The following SH3BGRL2 variants were observed in gnomAD, a reference collection of about 807,000 sequenced individuals.
The protein encoded by SH3BGRL2 is SH3 domain-binding glutamic acid-rich-like protein 2.
A neutral mutation model predicts 14.8 loss-of-function variants in SH3BGRL2; 21 were observed. The observed-to-expected ratio is 1.42, with a 90% CI of 1.01 to 2.05. The LOEUF is 2.05. Among genes scored for constraint, SH3BGRL2 ranks in the 30% most tolerant of loss-of-function variants. The pLI is 0.00. For missense variants in SH3BGRL2, 147 were observed against 130.8 expected (o/e 1.12, Z -0.61); for synonymous variants, 50 against 47.8 (o/e 1.05, Z -0.19).
At chr6:79,571,673 C>A in the SH3BGRL2 span, among the ~76,000 whole-genome samples, 3 of 152,154 alleles carry the variant, frequency 2.0e-5, no homozygotes, top group Non-Finnish European at 4.4e-5. Context: ...CCTTTGATCA[C>A]AGCCAAGTCC....
chr6:79,700,913 G>A lies in SH3BGRL2; in HGVS notation c.*1404G>A, dbSNP rs1247875925. ...TTTTATTTCTAGCATCCTGATTCTGGACTTTTCATTATAATTCTGAGCAGG... is the reference window on the plus strand; with the variant it reads ...TTTTATTTCTAGCATCCTGATTCTGAACTTTTCATTATAATTCTGAGCAGG... On this transcript the variant is annotated 3_prime_UTR_variant, in exon 4 of 4. Coordinates refer to ENST00000369838, the MANE Select transcript of SH3BGRL2 (RefSeq NM_031469.4). The A allele has an allele frequency of 6.6e-6, 1 of 152,076 alleles. No individual in the cohort carries two copies. The highest frequency in any genetic ancestry group is 1.5e-5 in the Non-Finnish European group (1 of 68,020). 9.4% of individuals were successfully genotyped at this position (152,076 alleles called of 1,614,324 possible). A position where few individuals can be genotyped will look rare whatever the true frequency, so the allele number is the denominator to read the frequency against.
At chr6:79,680,865 T>C (rs900875021) in intron 2 of SH3BGRL2, among the ~76,000 whole-genome samples, 4 of 152,206 alleles carry the variant, frequency 2.6e-5, no homozygotes, top group African/African-American at 9.6e-5. Flanking sequence ...GTTTCAATTA[T>C]TTATTATTAG....
chr6:79,551,028 A>T, the SH3BGRL2 span, among the ~76,000 whole-genome samples: 1 of 152,238 alleles, frequency 6.6e-6, no homozygotes, highest in African/African-American at 2.4e-5. Context: ...GCAGTGTGCC[A>T]GTCTACTATG....
intron 1 of SH3BGRL2, among the ~76,000 whole-genome samples, chr6:79,668,603 G>T (rs9448761): frequency 1.1e-3 from 161 of 151,814 alleles, no homozygotes; most frequent in African/African-American, 3.6e-3. Context: ...AAGTTAGTGG[G>T]GGGGAGTGGT....
chr6:79,606,844 A>T, the SH3BGRL2 span, among the ~76,000 whole-genome samples: 1 of 152,058 alleles, frequency 6.6e-6, no homozygotes, highest in African/African-American at 2.4e-5. Context: ...TTTAGAAAAC[A>T]ATTTCAGCTT....
the SH3BGRL2 span, among the ~76,000 whole-genome samples, chr6:79,580,622 C>T: frequency 6.6e-6 from 1 of 152,150 alleles, no homozygotes; most frequent in Non-Finnish European, 1.5e-5. Flanking sequence ...ACATCAGAAT[C>T]TCTGGGACAC....
the SH3BGRL2 span, among the ~76,000 whole-genome samples, chr6:79,538,035 T>TTTTTTTG: frequency 7.3e-6 from 1 of 136,934 alleles, no homozygotes; most frequent in Non-Finnish European, 1.5e-5. Context: ...TTTTTTTTTT[T>TTTTTTTG]TTTTTTTTTT....
chr6:79,542,910 ACTT>A, the SH3BGRL2 span, among the ~76,000 whole-genome samples: 1 of 152,166 alleles, frequency 6.6e-6, no homozygotes, highest in Non-Finnish European at 1.5e-5. Context: ...CCTCCACAAA[ACTT>A]CTTACCATCT....
At chr6:79,542,215 GC>G in the SH3BGRL2 span, among the ~76,000 whole-genome samples, 2 of 151,720 alleles carry the variant, frequency 1.3e-5, no homozygotes, top group East Asian at 3.9e-4. Flanking sequence ...CTGGAATTGT[GC>G]CAGTTATATG....
At chr6:79,584,302 A>C in the SH3BGRL2 span, among the ~76,000 whole-genome samples, 1 of 152,164 alleles carries the variant, frequency 6.6e-6, no homozygotes, top group Non-Finnish European at 1.5e-5. Context: ...TTGTTCAAGG[A>C]ATGTATGCTT....
intron 1 of SH3BGRL2, among the ~76,000 whole-genome samples, chr6:79,665,076 T>A (rs1034140582): frequency 1.5e-4 from 23 of 152,098 alleles, no homozygotes; most frequent in Non-Finnish European, 2.8e-4. Context: ...GGCGGGCGCC[T>A]GTAGTCCCAG....
At chr6:79,652,964 T>C (rs72905744) in intron 1 of SH3BGRL2, among the ~76,000 whole-genome samples, 12,026 of 152,122 alleles carry the variant, frequency 0.079, 614 homozygotes, top group Non-Finnish European at 0.11. Flanking sequence ...TATAATGCAA[T>C]ACACTGTGCC....
At chr6:79,593,723 G>A in the SH3BGRL2 span, among the ~76,000 whole-genome samples, 1 of 152,134 alleles carries the variant, frequency 6.6e-6, no homozygotes, top group Admixed American at 6.6e-5. Context: ...AACCTCAAGA[G>A]GAAGATTTAA....
the SH3BGRL2 span, among the ~76,000 whole-genome samples, chr6:79,607,034 G>C: frequency 6.6e-6 from 1 of 152,122 alleles, no homozygotes; most frequent in Non-Finnish European, 1.5e-5. Flanking sequence ...TGCTGACTTT[G>C]CTACCAGAAC....
chr6:79,555,697 A>G, the SH3BGRL2 span, among the ~76,000 whole-genome samples: 1 of 152,142 alleles, frequency 6.6e-6, no homozygotes, highest in South Asian at 2.1e-4. Flanking sequence ...TTTAGTAGAG[A>G]TGGGGTTTCA....
chr6:79,578,754 T>C, the SH3BGRL2 span, among the ~76,000 whole-genome samples: 1 of 151,980 alleles, frequency 6.6e-6, no homozygotes, highest in Admixed American at 6.6e-5. Context: ...CCACAAAGGA[T>C]TGCAGCTCCT....
At chr6:79,557,703 T>A in the SH3BGRL2 span, among the ~76,000 whole-genome samples, 4 of 152,368 alleles carry the variant, frequency 2.6e-5, no homozygotes, top group South Asian at 8.3e-4. Flanking sequence ...GTGAATACGC[T>A]TGTTAGGATA....
the SH3BGRL2 span, among the ~76,000 whole-genome samples, chr6:79,566,721 G>A: frequency 2.2e-4 from 34 of 151,916 alleles, no homozygotes; most frequent in Admixed American, 1.1e-3. Flanking sequence ...CTTTGGGGAC[G>A]CCTGATCAAC....
At chr6:79,571,010 A>G in the SH3BGRL2 span, among the ~76,000 whole-genome samples, 3 of 152,236 alleles carry the variant, frequency 2.0e-5, no homozygotes, top group Non-Finnish European at 4.4e-5. Flanking sequence ...CAAAAATTAC[A>G]TAATTGCATT....
Sources: gnomAD v4.1 joint callset for allele counts (sites outside exome capture counted in the v4.1 genomes callset) on GRCh38, gnomAD v4.1.1 for gene constraint, MANE v1.5 for transcripts, NCBI Gene and HGNC (gene_info 2026-07-23, HGNC 2026-07-21) for gene names.